MSRA: variants seen among roughly 807,000 people sequenced by gnomAD.
MSRA encodes the protein methionine sulfoxide reductase A.
Under a neutral mutation model 31.3 loss-of-function variants are expected in MSRA, and 54 were observed. The ratio of observed to expected loss-of-function variants is 1.73; its 90% CI spans 1.39 to 2.17. The LOEUF is 2.17. Among genes scored for constraint, MSRA ranks in the 30% most tolerant of loss-of-function variants. The pLI, the probability that MSRA is intolerant of heterozygous loss-of-function variation, is 0.00. For missense variants in MSRA, 507 were observed against 300.9 expected (o/e 1.69, Z -5.07); for synonymous variants, 169 against 116.5 (o/e 1.45, Z -2.90).
chr8:10,319,342 C>T (rs1801911012), intron 4 of MSRA, among the ~76,000 whole-genome samples: 1 of 152,148 alleles, frequency 6.6e-6, no homozygotes, highest in African/African-American at 2.4e-5. Flanking sequence ...GCTGCTGAGA[C>T]TGGCAGAAAA....
In MSRA at chr8:10,216,859, T is replaced by C. The variant is rs925824338; in HGVS notation, c.211+8958T>C. On this transcript the variant is annotated intron_variant, in intron 2 of 5. Coordinates refer to ENST00000317173, the MANE Select transcript of MSRA (RefSeq NM_012331.5). ...TTCGCTGTTGTGGATAAGGCTGCGA[T>C]GAACCTGAGTGTACAGATCTCTCTT... 3.9e-5 allele frequency among the ~76,000 whole-genome samples: 6 copies of C among 152,232 alleles called. No homozygotes were observed. In the East Asian group the frequency reaches 9.6e-4, roughly 24 times the overall value.
chr8:10,373,463 C>G (rs1563407213), intron 5 of MSRA, among the ~76,000 whole-genome samples: 1 of 152,334 alleles, frequency 6.6e-6, no homozygotes, highest in East Asian at 1.9e-4. Context: ...AACTCATGGG[C>G]TATCAAGCCT....
At chr8:10,075,309 A>G (rs993265209) in intron 1 of MSRA, among the ~76,000 whole-genome samples, 4 of 152,338 alleles carry the variant, frequency 2.6e-5, no homozygotes, top group Admixed American at 6.5e-5. Flanking sequence ...TGTGTGTTCA[A>G]TAAAACTCTT....
At chr8:10,125,546 A>T (rs1482557644) in intron 1 of MSRA, among the ~76,000 whole-genome samples, 2 of 152,124 alleles carry the variant, frequency 1.3e-5, no homozygotes, top group South Asian at 2.1e-4. Flanking sequence ...GTGGTGGGAG[A>T]TGAGGCTGAG....
chr8:10,394,523 A>G (rs1380445753), intron 5 of MSRA, among the ~76,000 whole-genome samples: 1 of 152,202 alleles, frequency 6.6e-6, no homozygotes, highest in East Asian at 1.9e-4. Flanking sequence ...CCTTTTCTCT[A>G]TATCATCTCA....
intron 3 of MSRA, among the ~76,000 whole-genome samples, chr8:10,291,209 T>C (rs1800216200): frequency 6.6e-6 from 1 of 152,218 alleles, no homozygotes; most frequent in South Asian, 2.1e-4. Context: ...ATGGCACTCC[T>C]CTGAGAGCAT....
chr8:10,158,581 A>C (rs1804372382), intron 1 of MSRA, among the ~76,000 whole-genome samples: 1 of 152,258 alleles, frequency 6.6e-6, no homozygotes, highest in Admixed American at 6.5e-5. Context: ...CTTCCATTGC[A>C]TGGATGTATC....
chr8:10,350,884 G>A (rs1285453956), intron 5 of MSRA, among the ~76,000 whole-genome samples: 1 of 152,226 alleles, frequency 6.6e-6, no homozygotes, highest in African/African-American at 2.4e-5. Context: ...TGTCAGGGAG[G>A]GGAAGTGGCA....
intron 5 of MSRA, among the ~76,000 whole-genome samples, chr8:10,376,355 C>T (rs534271271): frequency 1.3e-5 from 2 of 152,256 alleles, no homozygotes; most frequent in South Asian, 2.1e-4. Context: ...TGTAGGACTG[C>T]GCCTGTATTT....
At chr8:10,291,885 C>G (rs1390107937) in intron 3 of MSRA, among the ~76,000 whole-genome samples, 1 of 152,162 alleles carries the variant, frequency 6.6e-6, no homozygotes, top group Non-Finnish European at 1.5e-5. Context: ...AGATCAGTTT[C>G]TTACCTGGAC....
chr8:10,420,603 G>A (rs774044693), intron 5 of MSRA, among the ~76,000 whole-genome samples: 3 of 152,028 alleles, frequency 2.0e-5, no homozygotes, highest in Non-Finnish European at 4.4e-5. Context: ...ATATGGTCTC[G>A]GATCTGCAGA....
chr8:10,067,756 C>G (rs1201886440), intron 1 of MSRA, among the ~76,000 whole-genome samples: 1 of 151,988 alleles, frequency 6.6e-6, no homozygotes, highest in Non-Finnish European at 1.5e-5. Context: ...TTGCAATTCC[C>G]AAATGATATA....
Position 10,193,521 on chromosome 8 carries a change from A to T in MSRA, c.143-14312A>T, listed in dbSNP as rs557867519. 1.1e-4 allele frequency among the ~76,000 whole-genome samples: 17 copies of T among 152,340 alleles called. No individual in the cohort carries two copies. The South Asian group carries it at 1.5e-3, about 13-fold the overall frequency. On this transcript the variant is annotated intron_variant, in intron 1 of 5. Coordinates refer to ENST00000317173, the MANE Select transcript of MSRA (RefSeq NM_012331.5). The stretch of plus-strand genomic sequence containing the variant: ...GTATTCAGGGACGATAACCAAGCAG[A>T]CGGTGCTGCTATCCCTAATCTCCAT...
chr8:10,375,311 A>G (rs982217032), intron 5 of MSRA, among the ~76,000 whole-genome samples: 3 of 152,212 alleles, frequency 2.0e-5, no homozygotes, highest in Non-Finnish European at 2.9e-5. Flanking sequence ...CCTGATCAGG[A>G]GCTGTTGGCA....
chr8:10,405,989 C>G (rs1311001789), intron 5 of MSRA, among the ~76,000 whole-genome samples: 1 of 152,270 alleles, frequency 6.6e-6, no homozygotes, highest in Non-Finnish European at 1.5e-5. Context: ...CTGAGACTGG[C>G]TATTCACCAT....
intron 1 of MSRA, among the ~76,000 whole-genome samples, chr8:10,200,378 G>A (rs997157017): frequency 3.3e-5 from 5 of 152,206 alleles, no homozygotes; most frequent in South Asian, 4.1e-4. Flanking sequence ...TGGTCACCAT[G>A]GGGGAGAGCA....
At chr8:10,084,685 T>A (rs1798465339) in intron 1 of MSRA, among the ~76,000 whole-genome samples, 1 of 152,204 alleles carries the variant, frequency 6.6e-6, no homozygotes, top group South Asian at 2.1e-4. Context: ...AGGTATTATT[T>A]TATGAAGATT....
chr8:10,074,004 C>T (rs1207000315), intron 1 of MSRA, among the ~76,000 whole-genome samples: 3 of 134,980 alleles, frequency 2.2e-5, no homozygotes, highest in African/African-American at 5.6e-5. Context: ...CTATACGTGA[C>T]AGTTCTTCAC....
At chr8:10,109,745 G>C (rs531776945) in intron 1 of MSRA, among the ~76,000 whole-genome samples, 1 of 152,326 alleles carries the variant, frequency 6.6e-6, no homozygotes, top group South Asian at 2.1e-4. Flanking sequence ...TAGTTTATAT[G>C]ATGAAGCATT....
Sources: gnomAD v4.1 joint callset for allele counts (sites outside exome capture counted in the v4.1 genomes callset) on GRCh38, gnomAD v4.1.1 for gene constraint, MANE v1.5 for transcripts, NCBI Gene and HGNC (gene_info 2026-07-23, HGNC 2026-07-21) for gene names.